The following DAZ4 variants were observed in gnomAD, a reference collection of about 807,000 sequenced individuals.
DAZ4 encodes deleted in azoospermia 4.
intron 20 of DAZ4, among the ~76,000 whole-genome samples, chrY:24,875,939 A>T: frequency 8.4e-5 from 1 of 11,875 alleles, no homozygotes; most frequent in Non-Finnish European, 1.3e-4. Context: ...CAAAGCCATA[A>T]CATCTATAGA....
chrY:24,876,187 A>C, intron 20 of DAZ4, among the ~76,000 whole-genome samples: 1 of 9,748 alleles, frequency 1.0e-4, no homozygotes, highest in African/African-American at 1.1e-3. Context: ...CCATGTGCAC[A>C]TTGTGCAGGT....
At chrY:24,875,867 T>C in intron 20 of DAZ4, among the ~76,000 whole-genome samples, 8 of 10,423 alleles carry the variant, frequency 7.7e-4, no homozygotes, top group African/African-American at 1.6e-3. Flanking sequence ...TCAGACATTA[T>C]ACTTTTTATT....
intron 21 of DAZ4, among the ~76,000 whole-genome samples, chrY:24,884,254 G>C: frequency 1.1e-4 from 1 of 8,993 alleles, no homozygotes; most frequent in African/African-American, 7.4e-4. Flanking sequence ...TTTCACGATA[G>C]CAATTCTCTG....
intron 20 of DAZ4, among the ~76,000 whole-genome samples, chrY:24,875,647 A>T: frequency 6.2e-4 from 6 of 9,634 alleles, no homozygotes. Context: ...AATAATAGTG[A>T]AATAGTTCTG....
intron 6 of DAZ4, among the ~76,000 whole-genome samples, chrY:24,846,347 GT>G (rs2090183689): frequency 9.5e-5 from 2 of 20,997 alleles, no homozygotes; most frequent in East Asian, 2.3e-3. Context: ...CTTTTTCATA[GT>G]TTTTTATATT....
At chrY:24,863,721 CAAAAT>C (rs2090187044) in intron 15 of DAZ4, among the ~76,000 whole-genome samples, 1 of 19,472 alleles carries the variant, frequency 5.1e-5, no homozygotes, top group Non-Finnish European at 9.7e-5. Context: ...AATGAAGTAA[CAAAAT>C]AATAGTGAAA....
intron 24 of DAZ4, among the ~76,000 whole-genome samples, chrY:24,892,786 T>C (rs158237): frequency 4.4e-5 from 1 of 22,755 alleles, no homozygotes; most frequent in Non-Finnish European, 9.7e-5. Context: ...AATAAGAATT[T>C]ATTGAAACTT....
intron 20 of DAZ4, among the ~76,000 whole-genome samples, chrY:24,876,140 C>G: frequency 1.2e-4 from 2 of 17,282 alleles, no homozygotes; most frequent in Admixed American, 4.5e-4. Flanking sequence ...GTAGTCAATT[C>G]TTTTTTTTTA....
intron 20 of DAZ4, among the ~76,000 whole-genome samples, chrY:24,876,150 A>T (rs2090189222): frequency 2.4e-4 from 4 of 16,463 alleles, no homozygotes; most frequent in East Asian, 2.6e-3. Flanking sequence ...CTTTTTTTTT[A>T]AAAAATTATG....
chrY:24,875,937 TA>T (rs2090189025), intron 20 of DAZ4, among the ~76,000 whole-genome samples: 3 of 11,775 alleles, frequency 2.5e-4, no homozygotes, highest in Non-Finnish European at 4.0e-4. Context: ...GACAAAGCCA[TA>T]ACATCTATAG....
intron 20 of DAZ4, among the ~76,000 whole-genome samples, chrY:24,876,101 G>A: frequency 5.2e-5 from 1 of 19,085 alleles, no homozygotes; most frequent in African/African-American, 5.0e-4. Context: ...GTGTGAATAA[G>A]TACACAGTAT....
At position 24,876,149 on chromosome Y, in the gene DAZ4, T is replaced by A. The variant is rs367585378; in HGVS notation, c.1641+2102T>A. Among the ~76,000 whole-genome samples, 120 of 16,664 alleles carry A rather than the reference T, an allele frequency of 7.2e-3. No homozygotes were observed. The Middle Eastern group carries it at 0.091, about 13-fold the overall frequency. The allele number at this position is 16,664 out of a possible 37,273, so 44.7% of individuals were successfully genotyped here. ...GGTGAAGTAGTCAATTCTTTTTTTT[T>A]AAAAAATTATGCTTTAAGTTTTAGG... On this transcript the variant is annotated intron_variant, in intron 20 of 28. Transcript: ENST00000682740.
intron 21 of DAZ4, among the ~76,000 whole-genome samples, chrY:24,884,247 C>T: frequency 1.1e-4 from 1 of 8,832 alleles, no homozygotes; most frequent in Non-Finnish European, 1.7e-4. Flanking sequence ...CTGGCTGTTT[C>T]ACGATAGCAA....
intron 20 of DAZ4, among the ~76,000 whole-genome samples, chrY:24,875,746 A>G: frequency 1.9e-4 from 2 of 10,349 alleles, no homozygotes; most frequent in African/African-American, 7.7e-4. Context: ...ATGGCTAGAA[A>G]AAAAGCCCTA....
intron 1 of DAZ4, among the ~76,000 whole-genome samples, chrY:24,837,040 ATTGT>A (rs2090183019): frequency 9.3e-5 from 1 of 10,741 alleles, no homozygotes; most frequent in Non-Finnish European, 1.5e-4. Context: ...CTTTTTCAAG[ATTGT>A]TTGGGAAGAA....
chrY:24,875,854 A>C (rs2090188896), intron 20 of DAZ4, among the ~76,000 whole-genome samples: 26 of 10,107 alleles, frequency 2.6e-3, no homozygotes, highest in Admixed American at 0.013. Context: ...TTGTTGAAAC[A>C]TGTCAGACAT....
chrY:24,876,129 A>C, intron 20 of DAZ4, among the ~76,000 whole-genome samples: 3 of 18,512 alleles, frequency 1.6e-4, no homozygotes, highest in Admixed American at 4.2e-4. Flanking sequence ...ACTTTGGTGA[A>C]GTAGTCAATT....
At chrY:24,875,620 G>A in intron 20 of DAZ4, among the ~76,000 whole-genome samples, 2 of 8,070 alleles carry the variant, frequency 2.5e-4, no homozygotes, top group Non-Finnish European at 3.6e-4. Flanking sequence ...TTTCTTTGAT[G>A]GAAAATGTAG....
chrY:24,875,659 A>G (rs1456495355), intron 20 of DAZ4, among the ~76,000 whole-genome samples: 47 of 10,013 alleles, frequency 4.7e-3, no homozygotes, highest in Non-Finnish European at 4.1e-3. Flanking sequence ...ATAGTTCTGC[A>G]GTGTTTCTAA....
Sources: allele counts gnomAD v4.1 joint callset (sites outside exome capture counted in the v4.1 genomes callset), GRCh38; gene constraint gnomAD v4.1.1; transcripts MANE v1.5; gene names NCBI Gene and HGNC (gene_info 2026-07-23, HGNC 2026-07-21).